Variants in OCM2 observed in about 807,000 individuals in gnomAD.
OCM2 encodes oncomodulin-2.
In OCM2, 6 loss-of-function variants were observed where a neutral mutation model predicts 13.6. The observed-to-expected ratio is 0.44, with a 90% CI of 0.24 to 0.87. The LOEUF (loss-of-function observed/expected upper bound fraction) is 0.87. OCM2 is among the 40% of genes least tolerant of loss of function. The probability of loss-of-function intolerance (pLI) is 0.22; values close to 1 mark genes in which losing one functional copy is unlikely to be tolerated. For missense variants in OCM2, 118 were observed against 136.8 expected, an observed-to-expected ratio of 0.86 and a Z score of 0.68; for synonymous variants, 40 against 50.7, an observed-to-expected ratio of 0.79 and a Z score of 0.90.
chr7:97,988,842 C>T (rs1444266367), intron 1 of OCM2, among the ~76,000 whole-genome samples: 4 of 151,934 alleles, frequency 2.6e-5, no homozygotes, highest in Admixed American at 6.6e-5. Flanking sequence ...GCTGTGTGGC[C>T]GAGCCCCCAA....
chr7:97,985,437 A>C (rs1377420819), intron 3 of OCM2, among the ~76,000 whole-genome samples: 2 of 150,416 alleles, frequency 1.3e-5, no homozygotes, highest in African/African-American at 4.9e-5. Flanking sequence ...AAAAAAAAGA[A>C]AGAAAGAAAG....
chr7:97,986,055 G>C (rs532729915), intron 3 of OCM2, among the ~76,000 whole-genome samples: 1 of 152,218 alleles, frequency 6.6e-6, no homozygotes, highest in Non-Finnish European at 1.5e-5. Context: ...TGGGATTACA[G>C]GTGCCCACCA....
intron 2 of OCM2, among the ~76,000 whole-genome samples, chr7:97,987,909 C>T (rs1161479620): frequency 4.6e-5 from 7 of 151,922 alleles, no homozygotes; most frequent in African/African-American, 1.7e-4. Flanking sequence ...AGAATCTTTG[C>T]GGCTGGGCAC....
intron 3 of OCM2, among the ~76,000 whole-genome samples, chr7:97,985,966 G>A (rs1270903598): frequency 1.3e-5 from 2 of 151,934 alleles, no homozygotes; most frequent in Non-Finnish European, 2.9e-5. Flanking sequence ...AGGCTGGAGT[G>A]CAATGGTGCC....
At chr7:97,989,671 A>C (rs1232841600) in intron 1 of OCM2, among the ~76,000 whole-genome samples, 2 of 148,918 alleles carry the variant, frequency 1.3e-5, no homozygotes, top group Non-Finnish European at 3.0e-5. Flanking sequence ...GCCTCCGAAA[A>C]GTGTTGGGAT....
chr7:97,988,635 A>G, intron 1 of OCM2, 87 bp from the exon 2 acceptor site: 1 of 1,537,342 alleles, frequency 6.5e-7, no homozygotes, highest in Non-Finnish European at 8.9e-7. Flanking sequence ...GATGATTAAA[A>G]ACACTTCAAC....
chr7:97,987,830 G>C (rs1210063770), intron 2 of OCM2, among the ~76,000 whole-genome samples: 1 of 152,148 alleles, frequency 6.6e-6, no homozygotes, highest in Non-Finnish European at 1.5e-5. Flanking sequence ...TTACAGGCGT[G>C]AGCCACCGCG....
At chr7:97,985,464 C>G (rs1198343289) in intron 3 of OCM2, among the ~76,000 whole-genome samples, 1 of 144,158 alleles carries the variant, frequency 6.9e-6, no homozygotes, top group Non-Finnish European at 1.5e-5. Context: ...AGAAAAAAAC[C>G]CTGGGTATCA....
intron 3 of OCM2, 135 bp downstream of exon 3, chr7:97,986,912 C>T (rs923504555): frequency 1.1e-4 from 151 of 1,403,532 alleles, no homozygotes; most frequent in Non-Finnish European, 1.3e-4. Flanking sequence ...TCTCATTTTA[C>T]AGATGAGAAG....
intron 2 of OCM2, among the ~76,000 whole-genome samples, chr7:97,987,837 C>T (rs545543069): frequency 2.0e-5 from 3 of 152,182 alleles, no homozygotes; most frequent in East Asian, 3.9e-4. Context: ...CGTGAGCCAC[C>T]GCGCTTAGCC....
exon 3 of OCM2, chr7:97,987,102 G>A (rs1380053633): frequency 1.9e-6 from 3 of 1,613,718 alleles, no homozygotes; most frequent in East Asian, 4.5e-5. Context: ...TCAAGGACTT[G>A]GTTTCTGACT....
intron 1 of OCM2, 28 bp downstream of exon 1, chr7:97,990,016 T>TGGGGG: frequency 2.3e-5 from 25 of 1,083,832 alleles, no homozygotes; most frequent in Non-Finnish European, 3.2e-5. Context: ...TGTGAGGAAA[T>TGGGGG]CCCACCCCCG....
In OCM2 at chr7:97,988,529, G is replaced by A. The variant is rs1794695590; in HGVS notation, c.81C>T (p.Pro27=). ...GGCCTGACGTCTGGAAGAATTTTTG[G>A]GGTTCAAAAGTGTCTGGGTCTGAAG... The change falls in exon 2 of 4, where the codon CCC becomes CCT. Residue 27 remains proline, a synonymous_variant. Coordinates refer to ENST00000257627, the Ensembl canonical transcript of OCM2. 3 of 1,614,012 alleles carry A rather than the reference G, an allele frequency of 1.9e-6. No homozygotes were observed. In the African/African-American group the frequency reaches 4.0e-5, roughly 22 times the overall value.
At chr7:97,989,224 C>A (rs10251155) in intron 1 of OCM2, among the ~76,000 whole-genome samples, 2 of 151,842 alleles carry the variant, frequency 1.3e-5, no homozygotes, top group Non-Finnish European at 2.9e-5. Flanking sequence ...AGCACCACAC[C>A]TGGCCCTTCA....
intron 1 of OCM2, among the ~76,000 whole-genome samples, chr7:97,989,407 T>C (rs1365057061): frequency 2.6e-5 from 4 of 151,112 alleles, no homozygotes; most frequent in Non-Finnish European, 5.9e-5. Flanking sequence ...ATTTATTTAT[T>C]TATTTATTTA....
At chr7:97,988,885 A>G (rs1794699711) in intron 1 of OCM2, among the ~76,000 whole-genome samples, 1 of 151,132 alleles carries the variant, frequency 6.6e-6, no homozygotes, top group Non-Finnish European at 1.5e-5. Flanking sequence ...GGGAAATGCA[A>G]TCACTGGATT....
intron 3 of OCM2, 43 bp downstream of exon 3, chr7:97,987,004 C>G: frequency 6.2e-7 from 1 of 1,609,246 alleles, no homozygotes; most frequent in Middle Eastern, 1.7e-4. Flanking sequence ...ACGGATGCTT[C>G]CTGAGCTAGA....
chr7:97,986,932 C>T (rs111371470), intron 3 of OCM2, 115 bp downstream of exon 3: 72,047 of 1,500,682 alleles, frequency 0.048, 2,786 homozygotes, highest in African/African-American at 0.23. Flanking sequence ...GACTGAGGCT[C>T]GGTAAGGTTA....
Position 97,984,819 on chromosome 7 carries a change from C to T in OCM2, c.*139G>A, listed in dbSNP as rs1416379778. On this transcript the variant is annotated 3_prime_UTR_variant, in exon 4 of 4. Coordinates refer to ENST00000257627, the Ensembl canonical transcript of OCM2. Reference sequence around the variant, plus strand: ...TGACTCTCTCGTGACCTCGCTAAAACAATGAGCAAACTGCAGAAGGTTTTC... The same window carrying T: ...TGACTCTCTCGTGACCTCGCTAAAATAATGAGCAAACTGCAGAAGGTTTTC... 1.5e-5 allele frequency: 19 copies of T among 1,226,444 alleles called. No homozygotes were observed. The Admixed American group carries it at 4.1e-4, about 27-fold the overall frequency. 76.0% of individuals were successfully genotyped at this position (1,226,444 alleles called of 1,614,324 possible).
Sources: gnomAD v4.1 joint callset for allele counts (sites outside exome capture counted in the v4.1 genomes callset) on GRCh38, gnomAD v4.1.1 for gene constraint, MANE v1.5 for transcripts, NCBI Gene and HGNC (gene_info 2026-07-23, HGNC 2026-07-21) for gene names.